ERC2: variants seen among roughly 807,000 people sequenced by gnomAD.
The protein encoded by ERC2 is ERC protein 2.
In ERC2, 42 loss-of-function variants were observed where a neutral mutation model predicts 114.8. That is an observed-to-expected ratio of 0.37 (90% CI 0.29 to 0.47). The LOEUF (loss-of-function observed/expected upper bound fraction) is 0.47. ERC2 is among the 20% of genes least tolerant of loss of function. The pLI is 0.99. For synonymous variants in ERC2, 454 were observed against 425.5 expected (o/e 1.07, Z -0.82); for missense variants, 939 against 1,150.7 (o/e 0.82, Z 2.66).
chr3:56,221,641 A>G (rs983412609), intron 3 of ERC2, among the ~76,000 whole-genome samples: 10 of 152,232 alleles, frequency 6.6e-5, no homozygotes, highest in Admixed American at 3.9e-4. Context: ...ACAGTGGCTC[A>G]CGCCTGTAAT....
intron 15 of ERC2, among the ~76,000 whole-genome samples, chr3:55,714,896 T>C (rs980540417): frequency 6.6e-6 from 1 of 151,348 alleles, no homozygotes; most frequent in Non-Finnish European, 1.5e-5. Context: ...TGCAGAGATA[T>C]AAATTACATC....
chr3:56,276,474 A>AAAAAAAAAAAAAC (rs1446116012), intron 3 of ERC2, among the ~76,000 whole-genome samples: 7 of 147,120 alleles, frequency 4.8e-5, no homozygotes, highest in Non-Finnish European at 1.1e-4. Context: ...AAAAAAAAAA[A>AAAAAAAAAAAAAC]AAACAAACTC....
chr3:56,093,346 G>T (rs1392380805), intron 6 of ERC2, among the ~76,000 whole-genome samples: 3 of 152,114 alleles, frequency 2.0e-5, no homozygotes, highest in Non-Finnish European at 4.4e-5. Flanking sequence ...CTTTGTGTTT[G>T]CACTTAAGAT....
At chr3:56,400,128 C>T (rs2060466541) in intron 2 of ERC2, among the ~76,000 whole-genome samples, 1 of 151,766 alleles carries the variant, frequency 6.6e-6, no homozygotes. Context: ...CATGTGATAA[C>T]AGTATTATAT....
At chr3:55,542,764 C>T (rs187887938) in intron 17 of ERC2, among the ~76,000 whole-genome samples, 3 of 152,210 alleles carry the variant, frequency 2.0e-5, no homozygotes, top group Non-Finnish European at 2.9e-5. Flanking sequence ...TCAAGGTTAC[C>T]CATAGCTTCC....
intron 14 of ERC2, among the ~76,000 whole-genome samples, chr3:55,883,098 T>C (rs989831628): frequency 6.6e-6 from 1 of 152,212 alleles, no homozygotes; most frequent in Non-Finnish European, 1.5e-5. Context: ...ACCTAGCACA[T>C]AGTAGATCAT....
intron 14 of ERC2, among the ~76,000 whole-genome samples, chr3:55,851,443 C>G (rs1235999933): frequency 6.6e-6 from 1 of 152,158 alleles, no homozygotes; most frequent in Non-Finnish European, 1.5e-5. Context: ...AGGGAATGCA[C>G]TGGAGAATGA....
intron 2 of ERC2, among the ~76,000 whole-genome samples, chr3:56,375,618 A>G (rs1182156931): frequency 6.6e-6 from 1 of 152,198 alleles, no homozygotes; most frequent in Non-Finnish European, 1.5e-5. Context: ...AGAGGAACAT[A>G]CAACGATGAA....
At chr3:56,300,707 G>A (rs932133803) in intron 2 of ERC2, among the ~76,000 whole-genome samples, 1 of 152,152 alleles carries the variant, frequency 6.6e-6, no homozygotes, top group African/African-American at 2.4e-5. Flanking sequence ...TCCACTTAAT[G>A]CATAAGAAAA....
At chr3:55,560,999 C>T (rs2055977137) in intron 17 of ERC2, among the ~76,000 whole-genome samples, 1 of 152,030 alleles carries the variant, frequency 6.6e-6, no homozygotes, top group African/African-American at 2.4e-5. Flanking sequence ...GAGGGCCCTC[C>T]ACACCTCCTC....
At chr3:55,802,207 C>T (rs1575645318) in intron 14 of ERC2, among the ~76,000 whole-genome samples, 1 of 152,290 alleles carries the variant, frequency 6.6e-6, no homozygotes, top group African/African-American at 2.4e-5. Flanking sequence ...ATTTAATATC[C>T]TGAACGTTAT....
At chr3:56,431,264 T>TAA (rs1418947266) in intron 2 of ERC2, among the ~76,000 whole-genome samples, 1 of 152,118 alleles carries the variant, frequency 6.6e-6, no homozygotes, top group South Asian at 2.1e-4. Flanking sequence ...TGGAAAAACA[T>TAA]AAAAACCCCA....
chr3:56,366,467 C>T (rs1443548572), intron 2 of ERC2, among the ~76,000 whole-genome samples: 1 of 152,192 alleles, frequency 6.6e-6, no homozygotes, highest in Non-Finnish European at 1.5e-5. Context: ...ACCCATGAGG[C>T]CCCTTGTGCC....
intron 13 of ERC2, among the ~76,000 whole-genome samples, chr3:55,925,398 T>G (rs2065688111): frequency 6.6e-6 from 1 of 152,010 alleles, no homozygotes; most frequent in African/African-American, 2.4e-5. Context: ...CAAGAGAAGA[T>G]GAAGATCAGA....
intron 3 of ERC2, among the ~76,000 whole-genome samples, chr3:56,196,765 T>C (rs1165482016): frequency 3.9e-5 from 6 of 152,146 alleles, no homozygotes; most frequent in Non-Finnish European, 5.9e-5. Context: ...CACAGATAAA[T>C]GTTTCTTCAA....
intron 1 of ERC2, among the ~76,000 whole-genome samples, chr3:56,466,547 G>A (rs1051896458): frequency 6.6e-6 from 1 of 152,086 alleles, no homozygotes; most frequent in African/African-American, 2.4e-5. Flanking sequence ...AGACAAGATG[G>A]CTTACATGAG....
intron 12 of ERC2, among the ~76,000 whole-genome samples, chr3:55,975,997 T>C (rs1391986861): frequency 1.3e-5 from 2 of 152,214 alleles, no homozygotes; most frequent in Non-Finnish European, 2.9e-5. Context: ...CCCTGCGCCA[T>C]GGGTAATGCC....
At chr3:55,941,179 A>G (rs1260635768) in intron 13 of ERC2, among the ~76,000 whole-genome samples, 1 of 152,164 alleles carries the variant, frequency 6.6e-6, no homozygotes, top group Non-Finnish European at 1.5e-5. Context: ...AATATTGAAA[A>G]GAATTATTAA....
At chr3:55,938,552 T>C (rs2066593507) in intron 13 of ERC2, among the ~76,000 whole-genome samples, 1 of 152,154 alleles carries the variant, frequency 6.6e-6, no homozygotes, top group Admixed American at 6.6e-5. Flanking sequence ...TTAAGAGAGG[T>C]GCAGTTCATT....
Sources: allele counts gnomAD v4.1 joint callset (sites outside exome capture counted in the v4.1 genomes callset), GRCh38; gene constraint gnomAD v4.1.1; transcripts MANE v1.5; gene names NCBI Gene and HGNC (gene_info 2026-07-23, HGNC 2026-07-21).